The following CASKIN1 variants were observed in gnomAD, a reference collection of about 807,000 sequenced individuals.
CASKIN1 encodes CASK interacting protein 1.
A neutral mutation model predicts 117.5 loss-of-function variants in CASKIN1; 42 were observed. The observed-to-expected ratio is 0.36, with a 90% CI of 0.28 to 0.46. The LOEUF (loss-of-function observed/expected upper bound fraction) is 0.46. CASKIN1 is among the 20% of genes least tolerant of loss of function. CASKIN1 has a pLI of 1.00. For missense variants in CASKIN1, 2,083 were observed against 2,077.3 expected (o/e 1.00, Z -0.05); for synonymous variants, 1,148 against 961.7 (o/e 1.19, Z -3.59).
chr16:2,192,397 G>A (rs1303477045), intron 1 of CASKIN1, among the ~76,000 whole-genome samples: 3 of 152,104 alleles, frequency 2.0e-5, no homozygotes, highest in East Asian at 1.9e-4. Context: ...AGGGGAGGCC[G>A]ACAACGGACA....
rs1274037248 is a variant in CASKIN1 at position 2,187,084 on chromosome 16, G to T, written c.836-12C>A. The T allele has an allele frequency of 6.2e-7, 1 of 1,613,446 alleles. No homozygotes were observed. The highest frequency in any genetic ancestry group is 2.2e-5 in the East Asian group (1 of 44,866). On this transcript the variant is annotated splice_polypyrimidine_tract_variant and intron_variant, in intron 8 of 19. Transcript: ENST00000343516. Reference sequence around the variant, plus strand: ...GGCCGCTGAGGCCTCTGGGGATACAGGAGGGGGCCCCCGAAGTCCTGCGGG... The same window carrying T: ...GGCCGCTGAGGCCTCTGGGGATACATGAGGGGGCCCCCGAAGTCCTGCGGG...
At chr16:2,189,901 C>T (rs2093196336) in intron 3 of CASKIN1, among the ~76,000 whole-genome samples, 172 bp downstream of exon 3, 1 of 152,046 alleles carries the variant, frequency 6.6e-6, no homozygotes, top group South Asian at 2.1e-4. Flanking sequence ...AGGAGCTGAC[C>T]CCTCACCCCA....
Position 2,186,724 on chromosome 16 carries a change from G to A in CASKIN1, c.1031C>T (p.Ala344Val). Reference sequence around the variant, plus strand: ...GAACTTGCCTGCTCGCTTGACAATGGCCTCGCCCAGGGAGGACGGGAAGTA... The same window carrying A: ...GAACTTGCCTGCTCGCTTGACAATGACCTCGCCCAGGGAGGACGGGAAGTA... ...VGYFPSSLGE[A>V]IVKRAGSRAG... Residue 344 changes from alanine to valine, a missense_variant, in exon 10 of 20, where the codon GCC becomes GTC. Transcript: ENST00000343516. The A allele has an allele frequency of 6.2e-7, 1 of 1,612,770 alleles. No individual in the cohort carries two copies. Among genetic ancestry groups the A allele is most frequent in the Admixed American group, 1.7e-5 (1 of 60,010 alleles).
chr16:2,186,287 C>T (rs556861823), intron 10 of CASKIN1, among the ~76,000 whole-genome samples: 3 of 152,308 alleles, frequency 2.0e-5, no homozygotes, highest in South Asian at 4.1e-4. Context: ...TTTTAACGCA[C>T]GGCTCCTGCC....
rs1319296560 is a variant in CASKIN1 at position 2,180,742 on chromosome 16, G to C, written c.2626C>G (p.Pro876Ala). 2 of 1,441,348 alleles carry C rather than the reference G, an allele frequency of 1.4e-6. No homozygotes were observed. The highest frequency in any genetic ancestry group is 5.3e-5 in the East Asian group (2 of 37,580). The allele number at this position is 1,441,348 out of a possible 1,614,324, so 89.3% of individuals were successfully genotyped here. Residue 876 changes from proline (P) to alanine (A), a missense_variant, in exon 18 of 20, where the codon CCC becomes GCC. Pro to Ala is a conservative substitution (Grantham distance 27). Coordinates refer to ENST00000343516, the MANE Select transcript of CASKIN1 (RefSeq NM_020764.4). Reference protein sequence around the residue: ...PPEADAEPGRPKKRAHSLNRY... With the variant: ...PPEADAEPGRAKKRAHSLNRY... ...TTCAGGCTGTGGGCCCGCTTCTTGG[G>C]CCGCCCCGGCTCCGCGTCGGCCTCA... is the stretch of plus-strand genomic sequence containing the variant.
In CASKIN1 at chr16:2,177,799, A is replaced by C. The variant is rs1596682749; in HGVS notation, c.*751T>G. Reference sequence around the variant, plus strand: ...GACACGGCCGCCGAGAGCAAGGCACAACCTCGAGTTCTTGGGGCGCAGAGA... The same window carrying C: ...GACACGGCCGCCGAGAGCAAGGCACCACCTCGAGTTCTTGGGGCGCAGAGA... On this transcript the variant is annotated 3_prime_UTR_variant, in exon 20 of 20. Transcript: ENST00000343516. 4.1e-6 allele frequency: 1 copy of C among 244,370 alleles called. No individual in the cohort carries two copies. Among genetic ancestry groups the C allele is most frequent in the Non-Finnish European group, 8.1e-6 (1 of 123,932 alleles). 15.1% of individuals were successfully genotyped at this position (244,370 alleles called of 1,614,324 possible). A position where few individuals can be genotyped will look rare whatever the true frequency, so the allele number is the denominator to read the frequency against.
Position 2,180,136 on chromosome 16 carries a change from G to C in CASKIN1, c.3232C>G (p.Arg1078Gly). 1.3e-6 allele frequency: 2 copies of C among 1,555,134 alleles called. No homozygotes were observed. The highest frequency in any genetic ancestry group is 1.7e-6 in the Non-Finnish European group (2 of 1,150,300). Residue 1078 changes from arginine to glycine, a missense_variant, in exon 18 of 20, where the codon CGC (arginine) becomes GGC (glycine). Coordinates refer to ENST00000343516, the MANE Select transcript of CASKIN1 (RefSeq NM_020764.4). ...TCTGCCGACTCCCCAGGCCCCCGGC[G>C]GGCAGTGGCCAGAAGTCCGGTGACT... ...GPVTGLLATA[R>G]RGPGESADPG... is the part of the protein sequence containing the mutation.
intron 10 of CASKIN1, among the ~76,000 whole-genome samples, chr16:2,186,155 C>T (rs1251789263): frequency 6.6e-6 from 1 of 152,114 alleles, no homozygotes; most frequent in African/African-American, 2.4e-5. Context: ...TTTTTGTAGA[C>T]ATGGAATCTC....
intron 1 of CASKIN1, among the ~76,000 whole-genome samples, chr16:2,194,977 A>G (rs1255649152): frequency 6.6e-6 from 1 of 152,122 alleles, no homozygotes; most frequent in African/African-American, 2.4e-5. Flanking sequence ...ATCCCATCCT[A>G]CAGACGAGGA....
At chr16:2,190,510 C>T (rs371024260) in intron 1 of CASKIN1, 152 bp from the exon 2 acceptor site, 21 of 712,640 alleles carry the variant, frequency 2.9e-5, no homozygotes, top group East Asian at 2.4e-4. Flanking sequence ...CGTGCACTCA[C>T]GCGTTCAGCT....
chr16:2,194,452 G>A (rs2093210037), intron 1 of CASKIN1, among the ~76,000 whole-genome samples: 1 of 152,140 alleles, frequency 6.6e-6, no homozygotes, highest in South Asian at 2.1e-4. Context: ...GGGCTGGAGG[G>A]AAGGGACTGG....
chr16:2,193,838 C>T (rs541215762), intron 1 of CASKIN1, among the ~76,000 whole-genome samples: 1 of 152,328 alleles, frequency 6.6e-6, no homozygotes, highest in African/African-American at 2.4e-5. Context: ...ACACACTAAC[C>T]CCCATTCCTG....
intron 8 of CASKIN1, 42 bp downstream of exon 8, chr16:2,187,124 C>T (rs2093187314): frequency 6.2e-6 from 10 of 1,611,980 alleles, no homozygotes; most frequent in Non-Finnish European, 6.8e-6. Flanking sequence ...TCTGGCCCAG[C>T]CCCAGCCCCA....
intron 5 of CASKIN1, 21 bp downstream of exon 5, chr16:2,189,217 A>C: frequency 6.2e-7 from 1 of 1,612,892 alleles, no homozygotes; most frequent in Non-Finnish European, 8.5e-7. Context: ...CCCACCCCAC[A>C]GGGCTCCACA....
chr16:2,181,618 G>A lies in CASKIN1; in HGVS notation c.1769-19C>T. On this transcript the variant is annotated intron_variant, in intron 17 of 19. Transcript: ENST00000343516. The stretch of plus-strand genomic sequence containing the variant: ...TGGTGCCCTGAGTGGGGCGCAGGGG[G>A]CAGGTCAGGTGGACCAGGAGGCGGA... 6.5e-7 allele frequency: 1 copy of A among 1,542,348 alleles called. No homozygotes were observed.
Position 2,180,351 on chromosome 16 carries a change from G to T in CASKIN1, c.3017C>A (p.Ala1006Asp). ...GSAGSVKSIA[A>D]MLELSSIGGG... Reference sequence around the variant, plus strand: ...CCCAATGGAGGACAGCTCCAGCATGGCCGCGATGCTCTTCACACTGCCGGC... The same window carrying T: ...CCCAATGGAGGACAGCTCCAGCATGTCCGCGATGCTCTTCACACTGCCGGC... The change falls in exon 18 of 20, where the codon GCC (alanine) becomes GAC (aspartate). Residue 1006 changes from alanine (A) to aspartate (D), a missense_variant. Transcript: ENST00000343516. 6.3e-7 allele frequency: 1 copy of T among 1,596,826 alleles called. No individual in the cohort carries two copies. The highest frequency in any genetic ancestry group is 8.5e-7 in the Non-Finnish European group (1 of 1,177,700).
Position 2,180,564 on chromosome 16 carries a change from G to T in CASKIN1, c.2804C>A (p.Ser935Tyr). The T allele has an allele frequency of 6.4e-7, 1 of 1,561,258 alleles. No homozygotes were observed. Among genetic ancestry groups the T allele is most frequent in the Non-Finnish European group, 8.6e-7 (1 of 1,160,234 alleles). The change falls in exon 18 of 20, where the codon TCC (serine) becomes TAC (tyrosine). Residue 935 changes from serine (S) to tyrosine (Y), a missense_variant. By Grantham distance (144) the Ser-to-Tyr change is moderately radical. This residue lies in a region of CASKIN1 where 1,818 missense variants were observed against 1,688.9 expected (regional missense o/e 1.08). Transcript: ENST00000343516. Reference sequence around the variant, plus strand: ...CTTCTTTCGGGGCCGCACGGCAAAGGACTGGCTGCGGTTGACGTTCTTGTC... The same window carrying T: ...CTTCTTTCGGGGCCGCACGGCAAAGTACTGGCTGCGGTTGACGTTCTTGTC... Reference protein sequence around the residue: ...GADKNVNRSQSFAVRPRKKGP... With the variant: ...GADKNVNRSQYFAVRPRKKGP...
chr16:2,189,382 C>G (rs376118064), intron 4 of CASKIN1, 37 bp downstream of exon 4: 3 of 1,609,796 alleles, frequency 1.9e-6, no homozygotes, highest in Non-Finnish European at 2.5e-6. Context: ...GGCCGCGCTG[C>G]CCCGCCCCCG....
At position 2,180,222 on chromosome 16, in the gene CASKIN1, T is replaced by C; in HGVS notation, c.3146A>G (p.His1049Arg). 1 of 1,551,214 alleles carries C rather than the reference T, an allele frequency of 6.4e-7. No homozygotes were observed. The highest frequency in any genetic ancestry group is 8.7e-7 in the Non-Finnish European group (1 of 1,148,222). Residue 1049 changes from histidine to arginine, a missense_variant, in exon 18 of 20, where the codon CAC becomes CGC. This residue lies in a region of CASKIN1 where 1,818 missense variants were observed against 1,688.9 expected (regional missense o/e 1.08). Transcript: ENST00000343516. ...CCCGCCAGGCCCGATGGCCTCTTTG[T>C]GTTTCACTGAGGCCAGCACGGTGGC... is the stretch of plus-strand genomic sequence containing the variant. The part of the protein sequence containing the change: ...RVATVLASVK[H>R]KEAIGPGGEV...
Sources: allele counts gnomAD v4.1 joint callset (sites outside exome capture counted in the v4.1 genomes callset), GRCh38; gene constraint gnomAD v4.1.1; regional missense constraint gnomAD v4.1.1; transcripts MANE v1.5; gene names NCBI Gene and HGNC (gene_info 2026-07-23, HGNC 2026-07-21).